The following NOVA2 variants were observed in gnomAD, a reference collection of about 807,000 sequenced individuals.
NOVA2 encodes RNA-binding protein Nova-2.
NOVA2 carries 9 observed loss-of-function variants against 22.5 expected under a neutral mutation model. That is an observed-to-expected ratio of 0.40 (90% CI 0.24 to 0.70). NOVA2 has a LOEUF of 0.70. NOVA2 is among the 30% of genes least tolerant of loss of function. The pLI, the probability that NOVA2 is intolerant of heterozygous loss-of-function variation, is 0.38. For synonymous variants in NOVA2, 318 were observed against 335.2 expected, an observed-to-expected ratio of 0.95 and a Z score of 0.56; for missense variants, 383 against 682.8, an observed-to-expected ratio of 0.56 and a Z score of 4.89.
intron 3 of NOVA2, among the ~76,000 whole-genome samples, chr19:45,948,738 A>G (rs1967879621): frequency 6.6e-6 from 1 of 152,244 alleles, no homozygotes. Flanking sequence ...CAGTTCTTCA[A>G]AAAGTTGAAC....
Position 45,973,577 on chromosome 19 carries a change from GGGGGAGGGGA to G in NOVA2, c.-236_-227del, listed in dbSNP as rs1224398894. 1 of 74,446 alleles carries G rather than the reference GGGGGAGGGGA, an allele frequency of 1.3e-5. No individual in the cohort carries two copies. Among genetic ancestry groups the G allele is most frequent in the Non-Finnish European group, 2.9e-5 (1 of 34,394 alleles). The allele number at this position is 74,446 out of a possible 1,614,324, so 4.6% of individuals were successfully genotyped here. The stretch of plus-strand genomic sequence containing the variant: ...GGGGCGGGGGGCGGGGGGCGGGGGA[GGGGGAGGGGA>G]GGGGAGGTGGGAGGGGGAGGGGGCG... On this transcript the variant is annotated 5_prime_UTR_variant, in exon 1 of 4. Transcript: ENST00000263257.
intron 2 of NOVA2, among the ~76,000 whole-genome samples, chr19:45,959,382 A>T (rs1051508084): frequency 6.6e-6 from 1 of 151,922 alleles, no homozygotes; most frequent in Non-Finnish European, 1.5e-5. Flanking sequence ...ATACTGTTTG[A>T]CCTGGTAGGA....
intron 3 of NOVA2, among the ~76,000 whole-genome samples, chr19:45,945,895 C>T (rs1381837923): frequency 4.8e-5 from 7 of 147,152 alleles, no homozygotes; most frequent in African/African-American, 1.0e-4. Flanking sequence ...GGTGCAGTGG[C>T]ATCATCTCAG....
intron 3 of NOVA2, 115 bp downstream of exon 3, chr19:45,953,665 T>G: frequency 3.3e-4 from 429 of 1,294,324 alleles, no homozygotes; most frequent in Non-Finnish European, 4.3e-4. Flanking sequence ...CTTTGACTGA[T>G]GAGATTTTTA....
At chr19:45,971,566 C>A (rs1968232486) in intron 1 of NOVA2, among the ~76,000 whole-genome samples, 1 of 152,094 alleles carries the variant, frequency 6.6e-6, no homozygotes, top group African/African-American at 2.4e-5. Flanking sequence ...TCCTGTCCCA[C>A]CTGGATGGAG....
chr19:45,953,982 G>T (rs2146416852), intron 2 of NOVA2, 36 bp from the exon 3 acceptor site: 1 of 1,608,182 alleles, frequency 6.2e-7, no homozygotes, highest in East Asian at 2.2e-5. Flanking sequence ...ACACTCATGA[G>T]ACAGGAATGG....
Position 45,937,898 on chromosome 19 carries a change from G to A in NOVA2, c.*1965C>T, listed in dbSNP as rs906357391. On this transcript the variant is annotated 3_prime_UTR_variant, in exon 4 of 4. Transcript: ENST00000263257. ...GGAGAGGGATCTCCTAGGCTTTAGG[G>A]GCAGGAATTGTCTCTGTGGCTTTTC... 1.3e-5 allele frequency: 2 copies of A among 152,186 alleles called. No homozygotes were observed. Among genetic ancestry groups the A allele is most frequent in the African/African-American group, 4.8e-5 (2 of 41,430 alleles). The allele number at this position is 152,186 out of a possible 1,614,324, so 9.4% of individuals were successfully genotyped here.
At position 45,936,530 on chromosome 19, in the gene NOVA2, C is replaced by G. The variant is rs925016910; in HGVS notation, c.*3333G>C. ...CCCCTCTATCCAAGGTCCTCTCCCC[C>G]CAGAGCGGCTCAGTTCCAAGGAAGT... On this transcript the variant is annotated 3_prime_UTR_variant, in exon 4 of 4. Transcript: ENST00000263257. The G allele has an allele frequency of 2.0e-5, 3 of 151,794 alleles. No individual in the cohort carries two copies. The highest frequency in any genetic ancestry group is 6.6e-5 in the Admixed American group (1 of 15,226). The allele number at this position is 151,794 out of a possible 1,614,324, so 9.4% of individuals were successfully genotyped here.
At chr19:45,953,743 A>G (rs1313022426) in intron 3 of NOVA2, 37 bp downstream of exon 3, 3 of 1,612,376 alleles carry the variant, frequency 1.9e-6, no homozygotes, top group Non-Finnish European at 2.5e-6. Flanking sequence ...GTGAATGTCA[A>G]CAGCTTTACA....
Position 45,940,105 on chromosome 19 carries a change from C to T in NOVA2, c.1237G>A (p.Val413Met), listed in dbSNP as rs1465768425. The change falls in exon 4 of 4, where the codon GTG becomes ATG. Residue 413 changes from valine to methionine, a missense_variant. Transcript: ENST00000263257. ...ESAKELVEIA[V>M]PENLVGAILG... ...ATGGCTCCCACCAGGTTCTCAGGCACCGCAATCTCCACCAGCTCCTTGGCA... is the reference window on the plus strand; with the variant it reads ...ATGGCTCCCACCAGGTTCTCAGGCATCGCAATCTCCACCAGCTCCTTGGCA... The T allele has an allele frequency of 6.2e-7, 1 of 1,613,460 alleles. No individual in the cohort carries two copies.
rs1469004365 is a variant in NOVA2 at position 45,938,779 on chromosome 19, G to A, written c.*1084C>T. 1 of 152,210 alleles carries A rather than the reference G, an allele frequency of 6.6e-6. No homozygotes were observed. Among genetic ancestry groups the A allele is most frequent in the Middle Eastern group, 3.2e-3 (1 of 316 alleles). The allele number at this position is 152,210 out of a possible 1,614,324, so 9.4% of individuals were successfully genotyped here. ...GCCAACACCCACCAAAGAAGGGTGT[G>A]GAGGGAGAAGGCAGGTCAGAGACTG... is the stretch of plus-strand genomic sequence containing the variant. On this transcript the variant is annotated 3_prime_UTR_variant, in exon 4 of 4. Coordinates refer to ENST00000263257, the MANE Select transcript of NOVA2 (RefSeq NM_002516.4).
Position 45,940,609 on chromosome 19 carries a change from A to G in NOVA2, c.733T>C (p.Ser245Pro), listed in dbSNP as rs754553458. 1 of 1,426,662 alleles carries G rather than the reference A, an allele frequency of 7.0e-7. No homozygotes were observed. The highest frequency in any genetic ancestry group is 9.1e-7 in the Non-Finnish European group (1 of 1,103,232). 88.4% of individuals were successfully genotyped at this position (1,426,662 alleles called of 1,614,324 possible). The change falls in exon 4 of 4, where the codon TCG (serine) becomes CCG (proline). Residue 245 changes from serine to proline, a missense_variant. Ser to Pro is a moderately conservative substitution (Grantham distance 74, BLOSUM62 -1). Coordinates refer to ENST00000263257, the MANE Select transcript of NOVA2 (RefSeq NM_002516.4). The stretch of plus-strand genomic sequence containing the variant: ...AGCAGGCCGGAGGCGGCGGCGGCCG[A>G]CGCTGCGGCCGCGGCTGGCAGCACA... ...ADVLPAAAAA[S>P]AAAASGLLGP...
chr19:45,950,062 C>CTG (rs1235238829), intron 3 of NOVA2, among the ~76,000 whole-genome samples: 1 of 151,624 alleles, frequency 6.6e-6, no homozygotes, highest in Non-Finnish European at 1.5e-5. Flanking sequence ...TCTTTAGTAA[C>CTG]TGTGTGACCT....
In NOVA2 at chr19:45,940,059, G is replaced by A; in HGVS notation, c.1283C>T (p.Thr428Met). 6.2e-7 allele frequency: 1 copy of A among 1,613,966 alleles called. No individual in the cohort carries two copies. Among genetic ancestry groups the A allele is most frequent in the Admixed American group, 1.7e-5 (1 of 60,012 alleles). Reference protein sequence around the residue: ...VGAILGKGGKTLVEYQELTGA... With the variant: ...VGAILGKGGKMLVEYQELTGA... ...CGTCAGCTCCTGGTACTCCACCAAC[G>A]TCTTGCCCCCCTTCCCCAGGATGGC... Residue 428 changes from threonine (T) to methionine (M), a missense_variant, in exon 4 of 4, where the codon ACG becomes ATG. This residue lies in a region of NOVA2 where 34 missense variants were observed against 104.7 expected (regional missense o/e 0.32). Coordinates refer to ENST00000263257, the MANE Select transcript of NOVA2 (RefSeq NM_002516.4).
intron 1 of NOVA2, among the ~76,000 whole-genome samples, chr19:45,968,764 T>C (rs1001919814): frequency 6.6e-6 from 1 of 151,940 alleles, no homozygotes; most frequent in African/African-American, 2.4e-5. Flanking sequence ...GTGAAATAAC[T>C]CGCCTGAGGA....
chr19:45,944,965 G>A (rs1967815398), intron 3 of NOVA2, among the ~76,000 whole-genome samples: 1 of 152,094 alleles, frequency 6.6e-6, no homozygotes, highest in Admixed American at 6.6e-5. Flanking sequence ...GTTAGGGAGA[G>A]GGTGAGCTGA....
At chr19:45,948,999 G>T (rs1275966633) in intron 3 of NOVA2, among the ~76,000 whole-genome samples, 2 of 151,992 alleles carry the variant, frequency 1.3e-5, no homozygotes, top group Admixed American at 6.6e-5. Context: ...GATAAACCTC[G>T]AAAGTATTAC....
intron 2 of NOVA2, 102 bp from the exon 3 acceptor site, chr19:45,954,048 G>A: frequency 5.5e-6 from 7 of 1,265,484 alleles, no homozygotes; most frequent in Non-Finnish European, 7.9e-6. Flanking sequence ...GAGGTCCAGA[G>A]AGTGGACCTG....
At chr19:45,941,210 T>G (rs1477287543) in intron 3 of NOVA2, among the ~76,000 whole-genome samples, 1 of 151,862 alleles carries the variant, frequency 6.6e-6, no homozygotes, top group Non-Finnish European at 1.5e-5. Context: ...GAGAATCGCT[T>G]GAACCCAGGA....
Sources: allele counts gnomAD v4.1 joint callset (sites outside exome capture counted in the v4.1 genomes callset), GRCh38; gene constraint gnomAD v4.1.1; regional missense constraint gnomAD v4.1.1; transcripts MANE v1.5; gene names NCBI Gene and HGNC (gene_info 2026-07-23, HGNC 2026-07-21).